LRFN1: variants seen among roughly 807,000 people sequenced by gnomAD.
LRFN1 encodes leucine-rich repeat and fibronectin type III domain-containing protein 1.
LRFN1 carries 20 observed loss-of-function variants against 31.8 expected under a neutral mutation model. The ratio of observed to expected loss-of-function variants is 0.63; its 90% CI spans 0.44 to 0.91. The LOEUF (loss-of-function observed/expected upper bound fraction) is 0.91, where lower values mean the gene tolerates loss of function less well. Among genes scored for constraint, LRFN1 ranks in the 40% least tolerant of loss-of-function variants. LRFN1 has a pLI of 0.00. For synonymous variants in LRFN1, 514 were observed against 541.3 expected, an observed-to-expected ratio of 0.95 and a Z score of 0.70; for missense variants, 912 against 1,129.8, an observed-to-expected ratio of 0.81 and a Z score of 2.76.
At chr19:39,317,051 G>A (rs2075174288) in intron 2 of LRFN1, among the ~76,000 whole-genome samples, 1 of 152,140 alleles carries the variant, frequency 6.6e-6, no homozygotes, top group African/African-American at 2.4e-5. Context: ...AGACCAGGGG[G>A]AGGGAGAAGT....
Position 39,307,015 on chromosome 19 carries a change from G to C in LRFN1, c.*618C>G, listed in dbSNP as rs2075130955. On this transcript the variant is annotated 3_prime_UTR_variant, in exon 5 of 5. Transcript: ENST00000248668. The surrounding 1 kb of genome is among the most constrained non-coding windows in gnomAD (Gnocchi z 6.7). Reference sequence around the variant, plus strand: ...AGACTAGACAAAACCAGGGAGGGCCGAGGGACAAGAGACGACAGGACAGAG... The same window carrying C: ...AGACTAGACAAAACCAGGGAGGGCCCAGGGACAAGAGACGACAGGACAGAG... The C allele has an allele frequency of 6.6e-6, 2 of 303,278 alleles. No homozygotes were observed. Among genetic ancestry groups the C allele is most frequent in the African/African-American group, 4.3e-5 (2 of 46,176 alleles). The allele number at this position is 303,278 out of a possible 1,614,324, so 18.8% of individuals were successfully genotyped here. A position where few individuals can be genotyped will look rare whatever the true frequency, so the allele number is the denominator to read the frequency against.
At chr19:39,309,123 G>A (rs1370328911) in intron 4 of LRFN1, among the ~76,000 whole-genome samples, 2 of 152,150 alleles carry the variant, frequency 1.3e-5, no homozygotes, top group Non-Finnish European at 2.9e-5. Flanking sequence ...CATGATGCAG[G>A]TCGCTCCCCC....
intron 1 of LRFN1, among the ~76,000 whole-genome samples, chr19:39,320,367 C>G (rs1303510476): frequency 6.6e-6 from 1 of 151,840 alleles, no homozygotes; most frequent in Non-Finnish European, 1.5e-5. Context: ...CGGGCACACC[C>G]GGCTCCACAG....
Position 39,315,197 on chromosome 19 carries a change from A to G in LRFN1, c.140T>C (p.Leu47Pro). 6.3e-7 allele frequency: 1 copy of G among 1,583,908 alleles called. No homozygotes were observed. The highest frequency in any genetic ancestry group is 1.7e-5 in the Admixed American group (1 of 58,258). ...RCICQNVAPT[L>P]TMLCAKTGLL... ...GCCGGTCTTGGCGCACAGCATTGTC[A>G]GTGTGGGCGCCACGTTCTGGCAGAT... The change falls in exon 4 of 5, where the codon CTG becomes CCG. Residue 47 changes from leucine (L) to proline (P), a missense_variant. Coordinates refer to ENST00000248668, the MANE Select transcript of LRFN1 (RefSeq NM_020862.2). This position sits in a 1 kb window ranked among gnomAD's most constrained non-coding sequence, Gnocchi z 4.7.
At chr19:39,311,124 C>T (rs1046688148) in intron 4 of LRFN1, among the ~76,000 whole-genome samples, 2 of 152,228 alleles carry the variant, frequency 1.3e-5, no homozygotes, top group African/African-American at 4.8e-5. Flanking sequence ...CAGAGGCTGG[C>T]TCCTTAAGAA....
Position 39,307,648 on chromosome 19 carries a change from C to A in LRFN1, c.2301G>T (p.Leu767=). The change falls in exon 5 of 5, where the codon CTG becomes CTT. Residue 767 remains leucine (L), a synonymous_variant. Transcript: ENST00000248668. This position sits in a 1 kb window ranked among gnomAD's most constrained non-coding sequence, Gnocchi z 6.7. ...CLAFTSTEWM[L]ESTV is the part of the protein sequence containing the mutation. ...CGCCCGCCGCTCACACGGTACTCTC[C>A]AGCATCCACTCGGTGCTGGTGAAAG... 6.8e-7 allele frequency: 1 copy of A among 1,466,496 alleles called. No individual in the cohort carries two copies. Among genetic ancestry groups the A allele is most frequent in the Non-Finnish European group, 8.9e-7 (1 of 1,118,218 alleles). 90.8% of individuals were successfully genotyped at this position (1,466,496 alleles called of 1,614,324 possible). A position where few individuals can be genotyped will look rare whatever the true frequency, so the allele number is the denominator to read the frequency against.
Position 39,314,328 on chromosome 19 carries a change from C to T in LRFN1, c.1009G>A (p.Asp337Asn). ...CTGGAGTTCCCCAGCAGCCGCCCAT[C>T]AGGTGCCACCCAGTGCACCACCGGC... ...PEPVVHWVAPDGRLLGNSSRT... is the reference protein window; with the variant it reads ...PEPVVHWVAPNGRLLGNSSRT... Residue 337 changes from aspartate to asparagine, a missense_variant, in exon 4 of 5, where the codon GAT (aspartate) becomes AAT (asparagine). By Grantham distance (23) the Asp-to-Asn change is conservative. This residue lies in a region of LRFN1 where 401 missense variants were observed against 572.7 expected (regional missense o/e 0.70). Coordinates refer to ENST00000248668, the MANE Select transcript of LRFN1 (RefSeq NM_020862.2). 1 of 1,599,902 alleles carries T rather than the reference C, an allele frequency of 6.3e-7. No homozygotes were observed. Among genetic ancestry groups the T allele is most frequent in the Non-Finnish European group, 8.5e-7 (1 of 1,173,878 alleles).
Position 39,306,576 on chromosome 19 carries a change from T to A in LRFN1, c.*1057A>T, listed in dbSNP as rs1266950976. The A allele has an allele frequency of 1.3e-5, 2 of 152,196 alleles. No homozygotes were observed. Among genetic ancestry groups the A allele is most frequent in the Non-Finnish European group, 2.9e-5 (2 of 68,046 alleles). The allele number at this position is 152,196 out of a possible 1,614,324, so 9.4% of individuals were successfully genotyped here. A position where few individuals can be genotyped will look rare whatever the true frequency, so the allele number is the denominator to read the frequency against. On this transcript the variant is annotated 3_prime_UTR_variant, in exon 5 of 5. Transcript: ENST00000248668. Reference sequence around the variant, plus strand: ...AGTATTCACTAAGCGTTAGCTATTATGATCATTTTATTTTTGTGATTATTC... The same window carrying A: ...AGTATTCACTAAGCGTTAGCTATTAAGATCATTTTATTTTTGTGATTATTC...
At position 39,307,890 on chromosome 19, in the gene LRFN1, G is replaced by A. The variant is rs2075135175; in HGVS notation, c.2059C>T (p.Leu687=). The A allele has an allele frequency of 6.4e-7, 1 of 1,566,368 alleles. No homozygotes were observed. The highest frequency in any genetic ancestry group is 1.2e-5 in the South Asian group (1 of 86,462). ...LEPPTSAPPT[L]ALVPGGAAAR... The stretch of plus-strand genomic sequence containing the variant: ...GCGGCTCCCCCAGGAACTAGAGCTA[G>A]AGTAGGGGGCGCCGAGGTTGGTGGC... The change falls in exon 5 of 5, where the codon CTA becomes TTA. Residue 687 remains leucine (L), a synonymous_variant. Transcript: ENST00000248668. The surrounding 1 kb of genome is among the most constrained non-coding windows in gnomAD (Gnocchi z 6.7).
Position 39,307,921 on chromosome 19 carries a change from G to A in LRFN1, c.2028C>T (p.Ala676=), listed in dbSNP as rs1213448437. The change falls in exon 5 of 5, where the codon GCC becomes GCT. Residue 676 remains alanine, a synonymous_variant. Transcript: ENST00000248668. This position sits in a 1 kb window ranked among gnomAD's most constrained non-coding sequence, Gnocchi z 6.7. Reference sequence around the variant, plus strand: ...GGGGCGCCGAGGTTGGTGGCTCCAGGGCGCCGGATCGGCTCCTTCGAGGGC... The same window carrying A: ...GGGGCGCCGAGGTTGGTGGCTCCAGAGCGCCGGATCGGCTCCTTCGAGGGC... ...AVGPRRSRSG[A]LEPPTSAPPT... is the part of the protein sequence containing the mutation. 2 of 1,567,668 alleles carry A rather than the reference G, an allele frequency of 1.3e-6. No individual in the cohort carries two copies. Among genetic ancestry groups the A allele is most frequent in the Admixed American group, 1.8e-5 (1 of 55,544 alleles).
At chr19:39,311,069 C>A (rs1330861188) in intron 4 of LRFN1, among the ~76,000 whole-genome samples, 1 of 152,212 alleles carries the variant, frequency 6.6e-6, no homozygotes, top group Non-Finnish European at 1.5e-5. Flanking sequence ...GCTCCTTCCC[C>A]TAAATAGCCA....
At position 39,315,366 on chromosome 19, in the gene LRFN1, G is replaced by A. The variant is rs1276130508; in HGVS notation, c.-30C>T. The A allele has an allele frequency of 2.8e-6, 4 of 1,432,492 alleles. No individual in the cohort carries two copies. Among genetic ancestry groups the A allele is most frequent in the Non-Finnish European group, 3.6e-6 (4 of 1,095,914 alleles). The allele number at this position is 1,432,492 out of a possible 1,614,324, so 88.7% of individuals were successfully genotyped here. A position where few individuals can be genotyped will look rare whatever the true frequency, so the allele number is the denominator to read the frequency against. ...CAGTGGGAAGGCAGGAGGGGTGGGAGGTGAGACCTGCCGGGGAAGGAGCCG... is the reference window on the plus strand; with the variant it reads ...CAGTGGGAAGGCAGGAGGGGTGGGAAGTGAGACCTGCCGGGGAAGGAGCCG... On this transcript the variant is annotated 5_prime_UTR_variant, in exon 4 of 5. Coordinates refer to ENST00000248668, the MANE Select transcript of LRFN1 (RefSeq NM_020862.2). This position sits in a 1 kb window ranked among gnomAD's most constrained non-coding sequence, Gnocchi z 4.7.
Position 39,315,461 on chromosome 19 carries a change from C to A in LRFN1, c.-37-88G>T. ...GAGTCAGGCCTGGATCCCTCCCCTA[C>A]CGCCTACAGCTGGGTTCCATAGGAT... is the stretch of plus-strand genomic sequence containing the variant. On this transcript the variant is annotated intron_variant, in intron 3 of 4. Transcript: ENST00000248668. The surrounding 1 kb of genome is among the most constrained non-coding windows in gnomAD (Gnocchi z 4.7). 1 of 855,930 alleles carries A rather than the reference C, an allele frequency of 1.2e-6. No individual in the cohort carries two copies. Among genetic ancestry groups the A allele is most frequent in the Admixed American group, 3.0e-5 (1 of 33,250 alleles). 53.0% of individuals were successfully genotyped at this position (855,930 alleles called of 1,614,324 possible).
At position 39,307,904 on chromosome 19, in the gene LRFN1, G is replaced by A. The variant is rs1395594560; in HGVS notation, c.2045C>T (p.Ser682Leu). The A allele has an allele frequency of 3.2e-6, 5 of 1,565,570 alleles. No individual in the cohort carries two copies. The South Asian group carries it at 5.8e-5, about 18-fold the overall frequency. The change falls in exon 5 of 5, where the codon TCG (serine) becomes TTG (leucine). Residue 682 changes from serine to leucine, a missense_variant. Ser to Leu is a moderately radical substitution (Grantham distance 145, BLOSUM62 -2). Transcript: ENST00000248668. The surrounding 1 kb of genome is among the most constrained non-coding windows in gnomAD (Gnocchi z 6.7). The part of the protein sequence containing the change: ...SRSGALEPPT[S>L]APPTLALVPG... ...AACTAGAGCTAGAGTAGGGGGCGCC[G>A]AGGTTGGTGGCTCCAGGGCGCCGGA...
At position 39,308,525 on chromosome 19, in the gene LRFN1, C is replaced by G. The variant is rs374862144; in HGVS notation, c.1424G>C (p.Ser475Thr). The G allele has an allele frequency of 1.8e-5, 27 of 1,524,032 alleles. No homozygotes were observed. Among genetic ancestry groups the G allele is most frequent in the Non-Finnish European group, 2.4e-5 (27 of 1,134,624 alleles). 94.4% of individuals were successfully genotyped at this position (1,524,032 alleles called of 1,614,324 possible). The change falls in exon 5 of 5, where the codon AGT (serine) becomes ACT (threonine). Residue 475 changes from serine to threonine, a missense_variant. Physicochemically the swap from Ser to Thr is moderately conservative, Grantham distance 58. Coordinates refer to ENST00000248668, the MANE Select transcript of LRFN1 (RefSeq NM_020862.2). This position sits in a 1 kb window ranked among gnomAD's most constrained non-coding sequence, Gnocchi z 6.2. ...CAGGTCATTCACCAGGAAGGTCTGA[C>G]TGGTGGACGGGATCATCCTGTAGGA... ...SLVYRMIPSTSQTFLVNDLAA... is the reference protein window; with the variant it reads ...SLVYRMIPSTTQTFLVNDLAA...
chr19:39,307,169 G>C lies in LRFN1; in HGVS notation c.*464C>G, dbSNP rs959921639. On this transcript the variant is annotated 3_prime_UTR_variant, in exon 5 of 5. Coordinates refer to ENST00000248668, the MANE Select transcript of LRFN1 (RefSeq NM_020862.2). The surrounding 1 kb of genome is among the most constrained non-coding windows in gnomAD (Gnocchi z 6.7). The stretch of plus-strand genomic sequence containing the variant: ...ACCCGACCGGACCAGGAATGTGCGT[G>C]GGGTGGGGTGGGAGGCTTTGGAGGC... 1.8e-5 allele frequency: 7 copies of C among 396,942 alleles called. No homozygotes were observed. The highest frequency in any genetic ancestry group is 1.4e-4 in the African/African-American group (7 of 48,578). The allele number at this position is 396,942 out of a possible 1,614,324, so 24.6% of individuals were successfully genotyped here.
In LRFN1 at chr19:39,307,572, G is replaced by T; in HGVS notation, c.*61C>A. ...TGCGCTTTCTCCCAGTCCCGCCCCA[G>T]CGTCCGTGCGGCTGGGCGTTTGGTC... is the stretch of plus-strand genomic sequence containing the variant. On this transcript the variant is annotated 3_prime_UTR_variant, in exon 5 of 5. Coordinates refer to ENST00000248668, the MANE Select transcript of LRFN1 (RefSeq NM_020862.2). The surrounding 1 kb of genome is among the most constrained non-coding windows in gnomAD (Gnocchi z 6.7). 1 of 1,344,390 alleles carries T rather than the reference G, an allele frequency of 7.4e-7. No homozygotes were observed. The highest frequency in any genetic ancestry group is 1.5e-5 in the African/African-American group (1 of 64,952). 83.3% of individuals were successfully genotyped at this position (1,344,390 alleles called of 1,614,324 possible).
intron 4 of LRFN1, among the ~76,000 whole-genome samples, chr19:39,310,815 A>C (rs1600482486): frequency 1.3e-5 from 2 of 151,622 alleles, no homozygotes; most frequent in Non-Finnish European, 1.5e-5. Flanking sequence ...CTGAAGCTCC[A>C]CCTCTGTCAT....
chr19:39,313,254 G>A (rs1028903168), intron 4 of LRFN1, among the ~76,000 whole-genome samples: 2 of 152,170 alleles, frequency 1.3e-5, no homozygotes. Flanking sequence ...CTGTAGGCTA[G>A]GCACGGTGGC....
Sources: gnomAD v4.1 joint callset for allele counts (sites outside exome capture counted in the v4.1 genomes callset) on GRCh38, gnomAD v4.1.1 for gene constraint, gnomAD v4.1.1 regional missense constraint, Gnocchi (gnomAD v3.1) non-coding constraint, MANE v1.5 for transcripts, NCBI Gene and HGNC (gene_info 2026-07-23, HGNC 2026-07-21) for gene names.